KDM4C: variants seen among roughly 807,000 people sequenced by gnomAD.
KDM4C encodes lysine-specific demethylase 4C.
In KDM4C, 81 loss-of-function variants were observed where a neutral mutation model predicts 129.3. That is an observed-to-expected ratio of 0.63 (90% CI 0.52 to 0.75). The LOEUF is 0.75. Among genes scored for constraint, KDM4C ranks in the 30% least tolerant of loss-of-function variants. KDM4C has a pLI of 0.00. For synonymous variants in KDM4C, 573 were observed against 456.1 expected, an observed-to-expected ratio of 1.26 and a Z score of -3.26; for missense variants, 1,457 against 1,304.0, an observed-to-expected ratio of 1.12 and a Z score of -1.81.
At chr9:6,828,300 A>G (rs750244642) in intron 4 of KDM4C, among the ~76,000 whole-genome samples, 1 of 152,004 alleles carries the variant, frequency 6.6e-6, no homozygotes, top group African/African-American at 2.4e-5. Context: ...GGAGCCCACC[A>G]CAACGCCCGG....
intron 18 of KDM4C, among the ~76,000 whole-genome samples, chr9:7,122,441 C>T (rs1839607858): frequency 6.6e-6 from 1 of 152,160 alleles, no homozygotes; most frequent in African/African-American, 2.4e-5. Context: ...GGTGGGGACA[C>T]AGAGCCAAAC....
chr9:6,900,790 G>C (rs2130970585), intron 8 of KDM4C, among the ~76,000 whole-genome samples: 1 of 152,302 alleles, frequency 6.6e-6, no homozygotes, highest in African/African-American at 2.4e-5. Context: ...TGAGAGCAAA[G>C]GTTTTCTACC....
chr9:7,121,491 A>G (rs780531356), intron 18 of KDM4C, among the ~76,000 whole-genome samples: 14 of 152,200 alleles, frequency 9.2e-5, no homozygotes, highest in Non-Finnish European at 1.8e-4. Context: ...TCTAGGCCAG[A>G]TTCAAAGGGT....
chr9:7,175,385 A>G lies in KDM4C; in HGVS notation c.*656A>G, dbSNP rs1845348254. Reference sequence around the variant, plus strand: ...AAATGAAATTTTTGGCTCTTGAGAAAGAATTCTTATGAATTGTTATGCGAA... The same window carrying G: ...AAATGAAATTTTTGGCTCTTGAGAAGGAATTCTTATGAATTGTTATGCGAA... On this transcript the variant is annotated 3_prime_UTR_variant, in exon 22 of 22. Coordinates refer to ENST00000381309, the MANE Select transcript of KDM4C (RefSeq NM_015061.6). 6.6e-6 allele frequency: 1 copy of G among 152,668 alleles called. No individual in the cohort carries two copies. The highest frequency in any genetic ancestry group is 2.4e-5 in the African/African-American group (1 of 41,458). The allele number at this position is 152,668 out of a possible 1,614,324, so 9.5% of individuals were successfully genotyped here.
At chr9:7,028,300 A>G (rs72703343) in intron 15 of KDM4C, among the ~76,000 whole-genome samples, 13,285 of 151,850 alleles carry the variant, frequency 0.087, 722 homozygotes, top group East Asian at 0.18. Flanking sequence ...TTTAGTCAGC[A>G]GATGATGGGT....
chr9:7,109,837 A>G (rs1187015520), intron 18 of KDM4C, among the ~76,000 whole-genome samples: 2 of 152,162 alleles, frequency 1.3e-5, no homozygotes, highest in African/African-American at 2.4e-5. Context: ...CCCACCCAAA[A>G]TCTCATCTTG....
At chr9:7,155,581 C>G (rs988524874) in intron 19 of KDM4C, among the ~76,000 whole-genome samples, 1 of 152,096 alleles carries the variant, frequency 6.6e-6, no homozygotes, top group Non-Finnish European at 1.5e-5. Flanking sequence ...TTGTTCAGTT[C>G]CCACCTATGA....
chr9:7,170,629 A>T (rs1844863021), intron 21 of KDM4C: 1 of 958,430 alleles, frequency 1.0e-6, no homozygotes, highest in African/African-American at 1.8e-5. Context: ...ATTTAGAATT[A>T]TATCTATTGT....
At chr9:6,874,423 G>A (rs980109843) in intron 5 of KDM4C, among the ~76,000 whole-genome samples, 1 of 152,154 alleles carries the variant, frequency 6.6e-6, no homozygotes, top group South Asian at 2.1e-4. Context: ...CTCATTCAGG[G>A]CATTCTGTTT....
Position 7,174,533 on chromosome 9 carries a change from A to G in KDM4C, c.2995-20A>G, listed in dbSNP as rs1845271141. On this transcript the variant is annotated intron_variant, in intron 21 of 21. Coordinates refer to ENST00000381309, the MANE Select transcript of KDM4C (RefSeq NM_015061.6). ...ATCAAATGCCGTGCCCTTTTGCAATATAACACCAGCTGCTTTTAGTCCACA... is the reference window on the plus strand; with the variant it reads ...ATCAAATGCCGTGCCCTTTTGCAATGTAACACCAGCTGCTTTTAGTCCACA... 1.2e-6 allele frequency: 2 copies of G among 1,612,950 alleles called. No homozygotes were observed. The highest frequency in any genetic ancestry group is 2.2e-5 in the South Asian group (2 of 90,998).
At chr9:7,160,108 C>G (rs1843623518) in intron 19 of KDM4C, among the ~76,000 whole-genome samples, 1 of 152,152 alleles carries the variant, frequency 6.6e-6, no homozygotes, top group Admixed American at 6.5e-5. Context: ...ACCCTTTCTT[C>G]CACTTGATCG....
chr9:7,081,731 G>A (rs1176059996), intron 17 of KDM4C, among the ~76,000 whole-genome samples: 2 of 152,192 alleles, frequency 1.3e-5, no homozygotes, highest in Admixed American at 6.5e-5. Context: ...GGAAATGTTC[G>A]TGTTGATGAA....
At chr9:7,091,965 G>A (rs1018721129) in intron 17 of KDM4C, among the ~76,000 whole-genome samples, 6 of 152,192 alleles carry the variant, frequency 3.9e-5, no homozygotes, top group Admixed American at 6.5e-5. Flanking sequence ...TTTGTTTAAC[G>A]TCCCTTACTT....
intron 5 of KDM4C, among the ~76,000 whole-genome samples, chr9:6,877,357 C>T (rs1843717459): frequency 6.6e-6 from 1 of 152,162 alleles, no homozygotes; most frequent in African/African-American, 2.4e-5. Flanking sequence ...CCCGCCACCA[C>T]ACCCGGATAA....
chr9:7,080,603 G>C (rs536209003), intron 17 of KDM4C, among the ~76,000 whole-genome samples: 1 of 152,302 alleles, frequency 6.6e-6, no homozygotes, highest in South Asian at 2.1e-4. Flanking sequence ...AGATTGCTTT[G>C]ATAATGAGGA....
At chr9:6,781,468 G>T (rs1824326691) in intron 1 of KDM4C, among the ~76,000 whole-genome samples, 1 of 151,978 alleles carries the variant, frequency 6.6e-6, no homozygotes, top group Non-Finnish European at 1.5e-5. Flanking sequence ...TGTAACTCAT[G>T]ACTGAACCAA....
In KDM4C at chr9:6,814,765, G is replaced by A; in HGVS notation, c.435+20G>A. 1 of 1,439,628 alleles carries A rather than the reference G, an allele frequency of 6.9e-7. No individual in the cohort carries two copies. Among genetic ancestry groups the A allele is most frequent in the East Asian group, 2.3e-5 (1 of 43,284 alleles). 89.2% of individuals were successfully genotyped at this position (1,439,628 alleles called of 1,614,324 possible). On this transcript the variant is annotated intron_variant, in intron 4 of 21. Coordinates refer to ENST00000381309, the MANE Select transcript of KDM4C (RefSeq NM_015061.6). ...GATGAGGTACATTCATATTTACAGTGAGTTTTGTAAAGATCATTGGATGTG... is the reference window on the plus strand; with the variant it reads ...GATGAGGTACATTCATATTTACAGTAAGTTTTGTAAAGATCATTGGATGTG...
chr9:6,960,967 T>C (rs1022113068), intron 8 of KDM4C, among the ~76,000 whole-genome samples: 13 of 151,964 alleles, frequency 8.6e-5, no homozygotes, highest in African/African-American at 3.2e-4. Flanking sequence ...TGTGAAACAG[T>C]AGACTACTTA....
chr9:6,793,802 C>G lies in KDM4C; in HGVS notation c.144+670C>G, dbSNP rs553488012. Among the ~76,000 whole-genome samples the G allele has an allele frequency of 8.9e-4, 135 of 152,270 alleles. 1 individual carries two copies. The highest frequency in any genetic ancestry group is 2.4e-3 in the African/African-American group (101 of 41,572). On this transcript the variant is annotated intron_variant, in intron 2 of 21. Coordinates refer to ENST00000381309, the MANE Select transcript of KDM4C (RefSeq NM_015061.6). ...AGGTGATCCATCCGCCTCGGCTTCC[C>G]AAAGTGCGGGGATTAAAGGCGTGAG...
Sources: allele counts gnomAD v4.1 joint callset (sites outside exome capture counted in the v4.1 genomes callset), GRCh38; gene constraint gnomAD v4.1.1; transcripts MANE v1.5; gene names NCBI Gene and HGNC (gene_info 2026-07-23, HGNC 2026-07-21).